The following PRDM10 variants were observed in gnomAD, a reference collection of about 807,000 sequenced individuals.
The protein encoded by PRDM10 is PR/SET domain 10.
Under a neutral mutation model 133.1 loss-of-function variants are expected in PRDM10, and 65 were observed. The observed-to-expected ratio is 0.49, with a 90% CI of 0.40 to 0.60. The LOEUF is 0.60. Among genes scored for constraint, PRDM10 ranks in the 20% least tolerant of loss-of-function variants. The pLI is 0.00. For missense variants in PRDM10, 1,137 were observed against 1,507.1 expected, an observed-to-expected ratio of 0.75 and a Z score of 4.07; for synonymous variants, 582 against 580.4, an observed-to-expected ratio of 1.00 and a Z score of -0.04.
At chr11:129,910,964 A>C (rs1038943899) in intron 18 of PRDM10, among the ~76,000 whole-genome samples, 35 of 152,116 alleles carry the variant, frequency 2.3e-4, no homozygotes, top group African/African-American at 8.5e-4. Context: ...TTAGTAGAGA[A>C]GGGGTTTCTC....
intron 1 of PRDM10, among the ~76,000 whole-genome samples, chr11:129,970,959 G>C (rs1265231492): frequency 6.6e-6 from 1 of 152,118 alleles, no homozygotes; most frequent in Non-Finnish European, 1.5e-5. Context: ...AATTGTGTCC[G>C]AAATTGGTGG....
At chr11:129,925,979 G>C (rs1015396088) in intron 11 of PRDM10, among the ~76,000 whole-genome samples, 1 of 152,176 alleles carries the variant, frequency 6.6e-6, no homozygotes, top group Non-Finnish European at 1.5e-5. Flanking sequence ...AGCACATGTC[G>C]TAAATGGAAT....
At chr11:129,990,001 G>T (rs893090414) in intron 1 of PRDM10, among the ~76,000 whole-genome samples, 1 of 151,880 alleles carries the variant, frequency 6.6e-6, no homozygotes, top group African/African-American at 2.4e-5. Flanking sequence ...TCAGGAGTTC[G>T]AGACCAGCCT....
chr11:129,934,801 A>G (rs1950976000), intron 9 of PRDM10, among the ~76,000 whole-genome samples: 1 of 152,240 alleles, frequency 6.6e-6, no homozygotes, highest in Non-Finnish European at 1.5e-5. Context: ...AGAGATGCAG[A>G]TTATTTTAAA....
In PRDM10 at chr11:129,910,526, G is replaced by A. The variant is rs1400273941; in HGVS notation, c.3113C>T (p.Ser1038Phe). The A allele has an allele frequency of 6.2e-7, 1 of 1,614,136 alleles. No homozygotes were observed. Among genetic ancestry groups the A allele is most frequent in the Non-Finnish European group, 8.5e-7 (1 of 1,180,018 alleles). ...QQQQQQQQNS[S>F]VQHTYLPSAW... ...ACTGGGCAGGTACGTGTGCTGCACA[G>A]AGGAATTCTGCTGCTGCTGCTGCTG... Residue 1038 changes from serine to phenylalanine, a missense_variant, in exon 19 of 21, where the codon TCT (serine) becomes TTT (phenylalanine). Ser to Phe is a radical substitution (Grantham distance 155). Coordinates refer to ENST00000360871, the MANE Select transcript of PRDM10 (RefSeq NM_199437.2).
chr11:129,980,340 C>A (rs1253410564), intron 1 of PRDM10, among the ~76,000 whole-genome samples: 1 of 152,184 alleles, frequency 6.6e-6, no homozygotes, highest in Non-Finnish European at 1.5e-5. Flanking sequence ...CCCGGGGCCG[C>A]ACACAGGTAC....
At chr11:129,911,290 G>A (rs1458226551) in intron 18 of PRDM10, among the ~76,000 whole-genome samples, 4 of 152,312 alleles carry the variant, frequency 2.6e-5, no homozygotes, top group African/African-American at 7.2e-5. Context: ...TAACTTGCCT[G>A]TGTCACAAAG....
chr11:129,913,655 C>A (rs909904804), intron 17 of PRDM10, among the ~76,000 whole-genome samples: 7 of 152,126 alleles, frequency 4.6e-5, no homozygotes, highest in Non-Finnish European at 8.8e-5. Flanking sequence ...TGTACCTATA[C>A]ATCATAATTT....
chr11:129,966,174 G>A (rs933184917), intron 1 of PRDM10, among the ~76,000 whole-genome samples: 1 of 152,126 alleles, frequency 6.6e-6, no homozygotes, highest in East Asian at 1.9e-4. Flanking sequence ...AACCTGGGAG[G>A]TGAATGTTGC....
chr11:129,994,397 C>G (rs1938925386), intron 1 of PRDM10, among the ~76,000 whole-genome samples: 1 of 148,120 alleles, frequency 6.8e-6, no homozygotes. Context: ...ACCCAGAAGG[C>G]AGAGGTTGCA....
Position 129,942,635 on chromosome 11 carries a change from C to CG in PRDM10, c.763-7dup. On this transcript the variant is annotated splice_polypyrimidine_tract_variant and splice_region_variant and intron_variant, in intron 6 of 20. Transcript: ENST00000360871. ...TCCCCTTTATCAAGAGAAACCTGCACGAAAAAAAAGCCACACCAAAAACAA... is the reference window on the plus strand; with the variant it reads ...TCCCCTTTATCAAGAGAAACCTGCACGGAAAAAAAAGCCACACCAAAAACAA... 6.3e-7 allele frequency: 1 copy of CG among 1,595,440 alleles called. No individual in the cohort carries two copies. Among genetic ancestry groups the CG allele is most frequent in the Non-Finnish European group, 8.5e-7 (1 of 1,173,322 alleles).
chr11:129,939,965 T>G (rs1951155383), intron 7 of PRDM10, among the ~76,000 whole-genome samples: 1 of 152,178 alleles, frequency 6.6e-6, no homozygotes, highest in African/African-American at 2.4e-5. Context: ...CACTTATTTT[T>G]AAAATATTGC....
intron 1 of PRDM10, among the ~76,000 whole-genome samples, chr11:129,967,406 A>G (rs994634566): frequency 2.0e-5 from 3 of 152,110 alleles, no homozygotes; most frequent in Non-Finnish European, 4.4e-5. Flanking sequence ...ACAAAAAAAT[A>G]AACAAAAAAA....
intron 16 of PRDM10, 37 bp downstream of exon 16, chr11:129,915,623 G>C (rs776774933): frequency 6.5e-7 from 1 of 1,527,730 alleles, no homozygotes; most frequent in Non-Finnish European, 8.8e-7. Context: ...CTCGCATGGC[G>C]GTTTTGACCT....
intron 1 of PRDM10, among the ~76,000 whole-genome samples, chr11:129,969,053 G>A (rs936534067): frequency 3.3e-5 from 5 of 152,158 alleles, no homozygotes; most frequent in Non-Finnish European, 7.4e-5. Flanking sequence ...ACACTCCCCC[G>A]CTGCACAGCT....
chr11:129,997,452 C>CATA (rs1939123834), intron 1 of PRDM10, among the ~76,000 whole-genome samples: 1 of 151,960 alleles, frequency 6.6e-6, no homozygotes, highest in African/African-American at 2.4e-5. Flanking sequence ...CGCATTCCTG[C>CATA]GTAGGTGACA....
At chr11:130,000,106 C>T (rs1439662369) in intron 1 of PRDM10, among the ~76,000 whole-genome samples, 2 of 150,636 alleles carry the variant, frequency 1.3e-5, no homozygotes, top group African/African-American at 4.9e-5. Context: ...TGCAATGGCC[C>T]GATCTCAGCT....
intron 1 of PRDM10, among the ~76,000 whole-genome samples, chr11:129,992,036 A>C (rs1342638950): frequency 2.0e-5 from 3 of 152,216 alleles, no homozygotes; most frequent in African/African-American, 7.2e-5. Context: ...GGAGACACAA[A>C]ATAGAAGCAT....
chr11:129,960,976 T>C lies in PRDM10; in HGVS notation c.-12A>G. 6.2e-7 allele frequency: 1 copy of C among 1,613,984 alleles called. No homozygotes were observed. The highest frequency in any genetic ancestry group is 2.2e-5 in the East Asian group (1 of 44,876). On this transcript the variant is annotated 5_prime_UTR_variant, in exon 2 of 21. Transcript: ENST00000360871. ...TCTTTGGAATCCATCTTCTCCCAAC[T>C]GGACAGCTCCACGTCTGGCACACCT...
Sources: allele counts gnomAD v4.1 joint callset (sites outside exome capture counted in the v4.1 genomes callset), GRCh38; gene constraint gnomAD v4.1.1; transcripts MANE v1.5; gene names NCBI Gene and HGNC (gene_info 2026-07-23, HGNC 2026-07-21).